The following SLC6A4 variants were observed in gnomAD, a reference collection of about 807,000 sequenced individuals.
The protein encoded by SLC6A4 is solute carrier family 6 member 4.
SLC6A4 carries 22 observed loss-of-function variants against 73.4 expected under a neutral mutation model. The observed-to-expected ratio is 0.30, with a 90% CI of 0.21 to 0.43. The LOEUF (loss-of-function observed/expected upper bound fraction) is 0.43, where lower values mean the gene tolerates loss of function less well. Among genes scored for constraint, SLC6A4 ranks in the 20% least tolerant of loss-of-function variants. SLC6A4 has a pLI of 1.00. For missense variants in SLC6A4, 593 were observed against 808.5 expected (o/e 0.73, Z 3.23); for synonymous variants, 270 against 315.5 (o/e 0.86, Z 1.53).
Position 30,210,602 on chromosome 17 carries a change from G to A in SLC6A4, c.1362C>T (p.Phe454=), listed in dbSNP as rs759630152. The A allele has an allele frequency of 2.5e-6, 4 of 1,613,710 alleles. No homozygotes were observed. The highest frequency in any genetic ancestry group is 3.4e-6 in the Non-Finnish European group (4 of 1,179,856). The change falls in exon 11 of 15, where the codon TTC becomes TTT. Residue 454 remains phenylalanine (F), a synonymous_variant. Coordinates refer to ENST00000650711, the MANE Select transcript of SLC6A4 (RefSeq NM_001045.6). ...EGVITAVLDE[F]PHVWAKRRER... is the part of the protein sequence containing the mutation. ...CCCGGCGCTTGGCCCAGACGTGTGG[G>A]AACTCATCCAGCACAGCCGTGATCA...
At chr17:30,221,446 GGGTCACAGCCCACCCCA>G (rs1388054623) in intron 3 of SLC6A4, among the ~76,000 whole-genome samples, 153 bp downstream of exon 3, 3 of 96,504 alleles carry the variant, frequency 3.1e-5, no homozygotes, top group Admixed American at 3.0e-4. Flanking sequence ...CAGCCCACCC[GGGTCACAGCCCACCCCA>G]GGTCACAGCC....
chr17:30,234,855 A>G (rs1206715779), intron 1 of SLC6A4, among the ~76,000 whole-genome samples: 2 of 152,330 alleles, frequency 1.3e-5, no homozygotes, highest in African/African-American at 4.8e-5. Context: ...AAAAGGAACA[A>G]TTCAATATGC....
intron 14 of SLC6A4, among the ~76,000 whole-genome samples, chr17:30,201,275 T>A (rs1906025173): frequency 6.6e-6 from 1 of 152,228 alleles, no homozygotes; most frequent in African/African-American, 2.4e-5. Flanking sequence ...CAGAGCCGAC[T>A]AGGGCCTTTT....
intron 1 of SLC6A4, among the ~76,000 whole-genome samples, chr17:30,224,218 C>T (rs1396671019): frequency 4.0e-5 from 6 of 151,052 alleles, no homozygotes; most frequent in South Asian, 4.2e-4. Context: ...ACTGGCCCCA[C>T]AGTTTTGTTT....
In SLC6A4 at chr17:30,195,694, A is replaced by C. The variant is rs1030793294; in HGVS notation, c.*2762T>G. The C allele has an allele frequency of 1.3e-5, 2 of 152,202 alleles. No individual in the cohort carries two copies. The highest frequency in any genetic ancestry group is 4.8e-5 in the African/African-American group (2 of 41,440). 9.4% of individuals were successfully genotyped at this position (152,202 alleles called of 1,614,324 possible). Reference sequence around the variant, plus strand: ...CTAATGGCATTATCTGACCTTTAAAATATTATTATCATTAAAATTTAGAGA... The same window carrying C: ...CTAATGGCATTATCTGACCTTTAAACTATTATTATCATTAAAATTTAGAGA... On this transcript the variant is annotated 3_prime_UTR_variant, in exon 15 of 15. Transcript: ENST00000650711.
chr17:30,210,616 C>G lies in SLC6A4; in HGVS notation c.1348G>C (p.Val450Leu). 3.7e-6 allele frequency: 6 copies of G among 1,613,466 alleles called. No homozygotes were observed. Among genetic ancestry groups the G allele is most frequent in the Non-Finnish European group, 5.1e-6 (6 of 1,179,728 alleles). Residue 450 changes from valine (V) to leucine (L), a missense_variant, in exon 11 of 15, where the codon GTG becomes CTG. Transcript: ENST00000650711. The part of the protein sequence containing the change: ...FAGLEGVITA[V>L]LDEFPHVWAK... Reference sequence around the variant, plus strand: ...CAGACGTGTGGGAACTCATCCAGCACAGCCGTGATCACCCCCTCCAAGCCT... The same window carrying G: ...CAGACGTGTGGGAACTCATCCAGCAGAGCCGTGATCACCCCCTCCAAGCCT...
At chr17:30,203,489 A>ATC in intron 13 of SLC6A4, 150 bp from the exon 14 acceptor site, 1 of 672,928 alleles carries the variant, frequency 1.5e-6, no homozygotes, top group Middle Eastern at 4.1e-4. Context: ...ACTCTGACAC[A>ATC]CAGAATTACC....
intron 1 of SLC6A4, among the ~76,000 whole-genome samples, chr17:30,225,279 G>A (rs1056404923): frequency 1.4e-4 from 21 of 152,046 alleles, no homozygotes; most frequent in African/African-American, 5.1e-4. Flanking sequence ...ACTCCTCTCG[G>A]TGACTAATCG....
intron 1 of SLC6A4, among the ~76,000 whole-genome samples, chr17:30,225,091 G>A (rs970060286): frequency 4.6e-5 from 7 of 152,094 alleles, no homozygotes; most frequent in Admixed American, 2.0e-4. Context: ...ACTCATGACC[G>A]GGCAGCCTCT....
chr17:30,198,581 T>C, intron 14 of SLC6A4, 51 bp from the exon 15 acceptor site: 1 of 1,065,932 alleles, frequency 9.4e-7, no homozygotes, highest in Non-Finnish European at 1.4e-6. Flanking sequence ...TTTTTAAAAC[T>C]TGCAAAAATA....
Position 30,198,520 on chromosome 17 carries a change from T to G in SLC6A4, c.1829A>C (p.Lys610Thr), listed in dbSNP as rs775165264. The change falls in exon 15 of 15, where the codon AAA (lysine) becomes ACA (threonine). Residue 610 changes from lysine (K) to threonine (T), a missense_variant. Lys to Thr is a moderately conservative substitution (Grantham distance 78). Transcript: ENST00000650711. ...TPGTFKERII[K>T]SITPETPTEI... is the part of the protein sequence containing the mutation. ...TGTTGGTGTTTCTGGGGTAATACTT[T>G]TAATAATACGCTATTGGGAAGAAAA... 4 of 1,585,150 alleles carry G rather than the reference T, an allele frequency of 2.5e-6. No homozygotes were observed. The highest frequency in any genetic ancestry group is 3.4e-5 in the Admixed American group (2 of 59,696).
At chr17:30,201,764 TAC>T (rs1206566751) in intron 14 of SLC6A4, among the ~76,000 whole-genome samples, 1 of 152,176 alleles carries the variant, frequency 6.6e-6, no homozygotes, top group Non-Finnish European at 1.5e-5. Context: ...TCACCCAGAA[TAC>T]AGTTTTCCTG....
Position 30,215,622 on chromosome 17 carries a change from G to GTT in SLC6A4, c.1063_1064dup (p.Asn355LysfsTer10), listed in dbSNP as rs760907823. On this transcript the variant is annotated frameshift_variant, in exon 8 of 15. Coordinates refer to ENST00000650711, the MANE Select transcript of SLC6A4 (RefSeq NM_001045.6). LOFTEE classifies it high-confidence loss of function. ...CCCCAGATACTCACTGGTAGCAGTTGTTGTTGAACTTGTTGTAGCTAGCAA... is the reference window on the plus strand; with the variant it reads ...CCCCAGATACTCACTGGTAGCAGTTGTTTTGTTGAACTTGTTGTAGCTAGCAA... The GTT allele has an allele frequency of 6.2e-7, 1 of 1,613,710 alleles. No homozygotes were observed. The highest frequency in any genetic ancestry group is 8.5e-7 in the Non-Finnish European group (1 of 1,179,572).
rs1282717500 is a variant in SLC6A4, at chr17:30,212,798, C to T, written c.1146G>A (p.Val382=). 6.2e-7 allele frequency: 1 copy of T among 1,614,186 alleles called. No homozygotes were observed. Among genetic ancestry groups the T allele is most frequent in the East Asian group, 2.2e-5 (1 of 44,888 alleles). ...TCCTCATCTCAGCCATGTAACCGAG[C>T]ACTGTGAAGATGACAAATCCCGAAA... ...SFVSGFVIFT[V]LGYMAEMRNE... is the part of the protein sequence containing the mutation. Residue 382 remains valine (V), a synonymous_variant, in exon 9 of 15, where the codon GTG becomes GTA. Coordinates refer to ENST00000650711, the MANE Select transcript of SLC6A4 (RefSeq NM_001045.6).
chr17:30,221,870 A>G lies in SLC6A4; in HGVS notation c.89T>C (p.Val30Ala). ...CACTTTGTCCCCTGGGGTGGGAACA[A>G]CCTTCTGTAGAACTCCGTTTTCCTG... ...DCQENGVLQK[V>A]VPTPGDKVES... The change falls in exon 3 of 15, where the codon GTT becomes GCT. Residue 30 changes from valine to alanine, a missense_variant. By Grantham distance (64) the Val-to-Ala change is moderately conservative. Coordinates refer to ENST00000650711, the MANE Select transcript of SLC6A4 (RefSeq NM_001045.6). 1 of 1,613,996 alleles carries G rather than the reference A, an allele frequency of 6.2e-7. No individual in the cohort carries two copies. Among genetic ancestry groups the G allele is most frequent in the Non-Finnish European group, 8.5e-7 (1 of 1,180,006 alleles).
Position 30,211,562 on chromosome 17 carries a change from C to A in SLC6A4, c.1205-138G>T, listed in dbSNP as rs201012742. On this transcript the variant is annotated intron_variant, in intron 9 of 14. Transcript: ENST00000650711. The surrounding 1 kb of genome is among the most constrained non-coding windows in gnomAD (Gnocchi z 4.0). Reference sequence around the variant, plus strand: ...GTGTGAATCAGGTTTTGACACACACCAAGTGCGTCCTCACACTCTACTCCG... The same window carrying A: ...GTGTGAATCAGGTTTTGACACACACAAAGTGCGTCCTCACACTCTACTCCG... The A allele has an allele frequency of 1.1e-5, 7 of 649,090 alleles. No homozygotes were observed. The highest frequency in any genetic ancestry group is 2.8e-4 in the Middle Eastern group (1 of 3,580). The allele number at this position is 649,090 out of a possible 1,614,324, so 40.2% of individuals were successfully genotyped here. A position where few individuals can be genotyped will look rare whatever the true frequency, so the allele number is the denominator to read the frequency against.
At chr17:30,217,136 G>C (rs1567819880) in intron 6 of SLC6A4, 30 bp downstream of exon 6, 9 of 1,606,658 alleles carry the variant, frequency 5.6e-6, no homozygotes, top group Non-Finnish European at 7.7e-6. Flanking sequence ...CCCTGGGCAG[G>C]CCTGGGTCAG....
At chr17:30,213,302 C>CTTTTT (rs3034289) in intron 8 of SLC6A4, among the ~76,000 whole-genome samples, 1 of 129,810 alleles carries the variant, frequency 7.7e-6, no homozygotes, top group Non-Finnish European at 1.6e-5. Context: ...ATTTTTTTTT[C>CTTTTT]TTTTTTTTTT....
At chr17:30,232,268 C>T (rs1239066936) in intron 1 of SLC6A4, among the ~76,000 whole-genome samples, 3 of 152,214 alleles carry the variant, frequency 2.0e-5, no homozygotes, top group African/African-American at 7.2e-5. Flanking sequence ...ACAATGGGTT[C>T]GCTGTGTCCC....
Sources: gnomAD v4.1 joint callset for allele counts (sites outside exome capture counted in the v4.1 genomes callset) on GRCh38, gnomAD v4.1.1 for gene constraint, Gnocchi (gnomAD v3.1) non-coding constraint, MANE v1.5 for transcripts, NCBI Gene and HGNC (gene_info 2026-07-23, HGNC 2026-07-21) for gene names.